The following ARHGAP22 variants were observed in gnomAD, a reference collection of about 807,000 sequenced individuals.
The protein encoded by ARHGAP22 is Rho GTPase activating protein 22.
ARHGAP22 carries 48 observed loss-of-function variants against 59.1 expected under a neutral mutation model. That is an observed-to-expected ratio of 0.81 (90% CI 0.64 to 1.03). The LOEUF is 1.03. Among genes scored for constraint, ARHGAP22 ranks in the 50% least tolerant of loss-of-function variants. The pLI is 0.00. For missense variants in ARHGAP22, 1,015 were observed against 958.7 expected (o/e 1.06, Z -0.78); for synonymous variants, 445 against 416.4 (o/e 1.07, Z -0.84).
intron 3 of ARHGAP22, among the ~76,000 whole-genome samples, chr10:48,506,340 G>A (rs906427273): frequency 2.6e-5 from 4 of 152,154 alleles, no homozygotes; most frequent in Non-Finnish European, 5.9e-5. Context: ...TGCTCCTACA[G>A]TACAAACCTG....
At chr10:48,547,975 TTG>T (rs2056590536) in intron 3 of ARHGAP22, among the ~76,000 whole-genome samples, 1 of 152,196 alleles carries the variant, frequency 6.6e-6, no homozygotes. Flanking sequence ...TGGAGTCTCC[TTG>T]CCCCCACTAG....
At chr10:48,602,146 G>A (rs1234758477) in intron 1 of ARHGAP22, among the ~76,000 whole-genome samples, 2 of 152,214 alleles carry the variant, frequency 1.3e-5, no homozygotes, top group East Asian at 3.8e-4. Context: ...CACAATAAAT[G>A]TTGGTTTACT....
At chr10:48,604,504 G>T (rs1400388488) in intron 1 of ARHGAP22, among the ~76,000 whole-genome samples, 2 of 152,238 alleles carry the variant, frequency 1.3e-5, no homozygotes, top group Non-Finnish European at 2.9e-5. Context: ...GTAAAATGTG[G>T]AATGTGGGGC....
At chr10:48,563,699 TAGATTTG>T (rs1458278869) in intron 2 of ARHGAP22, among the ~76,000 whole-genome samples, 1 of 152,226 alleles carries the variant, frequency 6.6e-6, no homozygotes, top group Non-Finnish European at 1.5e-5. Context: ...ACTTCAAATG[TAGATTTG>T]ATAAGATCTA....
chr10:48,597,978 T>A (rs1589082524), intron 1 of ARHGAP22, among the ~76,000 whole-genome samples: 1 of 152,176 alleles, frequency 6.6e-6, no homozygotes, highest in Admixed American at 6.5e-5. Flanking sequence ...CTAACTCAGT[T>A]CAGGCCTGTC....
At chr10:48,612,392 T>A (rs1332054134) in intron 1 of ARHGAP22, among the ~76,000 whole-genome samples, 1 of 152,210 alleles carries the variant, frequency 6.6e-6, no homozygotes, top group Non-Finnish European at 1.5e-5. Context: ...TTGGATGTGG[T>A]CATGTGGCTG....
intron 3 of ARHGAP22, among the ~76,000 whole-genome samples, chr10:48,516,489 C>G (rs1167340940): frequency 6.6e-6 from 1 of 152,066 alleles, no homozygotes; most frequent in Non-Finnish European, 1.5e-5. Context: ...GATTGTACCA[C>G]TGGACTCCAG....
chr10:48,454,294 C>T (rs2046281897), intron 6 of ARHGAP22, 133 bp from the exon 7 acceptor site: 3 of 755,660 alleles, frequency 4.0e-6, no homozygotes, highest in East Asian at 2.6e-5. Context: ...CAGAGGGCTC[C>T]ACCACCTCCA....
intron 1 of ARHGAP22, among the ~76,000 whole-genome samples, chr10:48,636,669 G>A (rs2061831883): frequency 6.6e-6 from 1 of 152,162 alleles, no homozygotes; most frequent in African/African-American, 2.4e-5. Flanking sequence ...ATGACTGCTG[G>A]CAAACAGTAC....
At chr10:48,571,539 C>A (rs1245446485) in intron 2 of ARHGAP22, among the ~76,000 whole-genome samples, 1 of 152,198 alleles carries the variant, frequency 6.6e-6, no homozygotes, top group Admixed American at 6.5e-5. Context: ...AATTTCTATG[C>A]ATCTTAAGAA....
At chr10:48,589,499 G>A (rs939199544) in intron 1 of ARHGAP22, among the ~76,000 whole-genome samples, 16 of 152,126 alleles carry the variant, frequency 1.1e-4, no homozygotes, top group Admixed American at 2.6e-4. Flanking sequence ...ACACTCCAGA[G>A]AAATGTCTCA....
chr10:48,466,738 G>A (rs2047750054), intron 4 of ARHGAP22: 1 of 149,528 alleles, frequency 6.7e-6, no homozygotes, highest in Non-Finnish European at 1.5e-5. Flanking sequence ...GTAGCGTCTT[G>A]CCCGCCGCCC....
chr10:48,579,107 T>G (rs1167045522), intron 2 of ARHGAP22, among the ~76,000 whole-genome samples: 3 of 152,050 alleles, frequency 2.0e-5, no homozygotes, highest in Admixed American at 6.6e-5. Context: ...TTTTTATTTT[T>G]TTTTCCTTTC....
At chr10:48,632,145 A>G (rs1042307932) in intron 1 of ARHGAP22, among the ~76,000 whole-genome samples, 1 of 152,174 alleles carries the variant, frequency 6.6e-6, no homozygotes, top group Non-Finnish European at 1.5e-5. Context: ...ACGAGTCCTC[A>G]AAGTCCATTA....
chr10:48,513,758 G>T (rs1409773264), intron 3 of ARHGAP22, among the ~76,000 whole-genome samples: 4 of 152,036 alleles, frequency 2.6e-5, no homozygotes, highest in Non-Finnish European at 1.5e-5. Context: ...AAGAAAAATA[G>T]GTAAGTATGG....
chr10:48,571,690 C>T (rs185851193), intron 2 of ARHGAP22, among the ~76,000 whole-genome samples: 97 of 152,322 alleles, frequency 6.4e-4, no homozygotes, highest in Non-Finnish European at 1.0e-3. Flanking sequence ...TGTTATTTGC[C>T]ATGATACCGT....
chr10:48,538,309 C>T (rs2055569865), intron 3 of ARHGAP22, among the ~76,000 whole-genome samples: 1 of 152,180 alleles, frequency 6.6e-6, no homozygotes, highest in Non-Finnish European at 1.5e-5. Context: ...AGGACACCAA[C>T]CATTGGATTT....
intron 1 of ARHGAP22, among the ~76,000 whole-genome samples, chr10:48,641,248 A>G (rs931724058): frequency 7.9e-5 from 12 of 152,198 alleles, no homozygotes; most frequent in African/African-American, 2.9e-4. Context: ...AAACATATCA[A>G]TAATTATATT....
chr10:48,459,959 G>A, intron 4 of ARHGAP22, 68 bp from the exon 5 acceptor site: 1 of 1,477,126 alleles, frequency 6.8e-7, no homozygotes, highest in Non-Finnish European at 9.2e-7. Flanking sequence ...CAGGACAATG[G>A]AGGGCAGGCG....
Sources: allele counts gnomAD v4.1 joint callset (sites outside exome capture counted in the v4.1 genomes callset), GRCh38; gene constraint gnomAD v4.1.1; transcripts MANE v1.5; gene names NCBI Gene and HGNC (gene_info 2026-07-23, HGNC 2026-07-21).